CNTNAP5: variants seen among roughly 807,000 people sequenced by gnomAD.
The protein encoded by CNTNAP5 is contactin-associated protein-like 5.
CNTNAP5 carries 72 observed loss-of-function variants against 150.2 expected under a neutral mutation model. The observed-to-expected ratio is 0.48, with a 90% CI of 0.40 to 0.58. The LOEUF (loss-of-function observed/expected upper bound fraction) is 0.58, where lower values mean the gene tolerates loss of function less well. Ranked by LOEUF, CNTNAP5 falls within the 20% of genes least tolerant of loss-of-function variation. The pLI, the probability that CNTNAP5 is intolerant of heterozygous loss-of-function variation, is 0.00. For synonymous variants in CNTNAP5, 672 were observed against 619.8 expected (o/e 1.08, Z -1.25); for missense variants, 1,636 against 1,626.2 (o/e 1.01, Z -0.10).
chr2:124,442,362 G>A (rs1461513267), intron 5 of CNTNAP5, among the ~76,000 whole-genome samples: 1 of 152,146 alleles, frequency 6.6e-6, no homozygotes, highest in African/African-American at 2.4e-5. Context: ...CATGTACTTA[G>A]AGAACCTTGA....
intron 1 of CNTNAP5, among the ~76,000 whole-genome samples, chr2:124,196,251 T>C (rs1685581941): frequency 6.6e-6 from 1 of 152,138 alleles, no homozygotes; most frequent in Non-Finnish European, 1.5e-5. Flanking sequence ...ATAAGCATAC[T>C]ACAGTGGTTA....
At chr2:124,230,127 C>T (rs1301773567) in intron 2 of CNTNAP5, among the ~76,000 whole-genome samples, 1 of 152,102 alleles carries the variant, frequency 6.6e-6, no homozygotes, top group Non-Finnish European at 1.5e-5. Flanking sequence ...ATCCTTACCT[C>T]CCGCTTTGGC....
At chr2:124,145,690 T>A (rs1684222501) in intron 1 of CNTNAP5, among the ~76,000 whole-genome samples, 1 of 132,042 alleles carries the variant, frequency 7.6e-6, no homozygotes, top group Non-Finnish European at 1.6e-5. Context: ...ATATACCTAA[T>A]GCTAGATCAC....
intron 2 of CNTNAP5, among the ~76,000 whole-genome samples, chr2:124,235,968 T>C (rs918039664): frequency 7.6e-4 from 115 of 151,562 alleles, no homozygotes; most frequent in Non-Finnish European, 1.5e-3. Context: ...TATTTATTTA[T>C]TTATTTATTT....
intron 19 of CNTNAP5, among the ~76,000 whole-genome samples, chr2:124,856,592 A>T (rs923848582): frequency 6.6e-6 from 1 of 152,076 alleles, no homozygotes; most frequent in African/African-American, 2.4e-5. Context: ...ATCATGAGTG[A>T]TGTTGAGCAT....
intron 4 of CNTNAP5, among the ~76,000 whole-genome samples, chr2:124,424,568 C>A (rs1169482792): frequency 1.3e-5 from 2 of 152,194 alleles, no homozygotes; most frequent in African/African-American, 2.4e-5. Context: ...ACTGAAAAAT[C>A]TCTTCTATGA....
intron 1 of CNTNAP5, among the ~76,000 whole-genome samples, chr2:124,080,445 G>C (rs1682534090): frequency 6.6e-6 from 1 of 152,202 alleles, no homozygotes; most frequent in Non-Finnish European, 1.5e-5. Context: ...GGCTCAGAAA[G>C]AACACTGTAA....
rs79371505 is a variant in CNTNAP5 at position 124,270,921 on chromosome 2, A to G, written c.381+28528A>G. Among the ~76,000 whole-genome samples the G allele has an allele frequency of 9.0e-3, 1,364 of 152,252 alleles. 21 individuals are homozygous for G. Among genetic ancestry groups the G allele is most frequent in the African/African-American group, 0.031 (1,275 of 41,530 alleles). Reference sequence around the variant, plus strand: ...TACGTGCCCCCATGTTGGGTTCCTAAGTTATGGTCTTCAATCCCATCAAGC... The same window carrying G: ...TACGTGCCCCCATGTTGGGTTCCTAGGTTATGGTCTTCAATCCCATCAAGC... On this transcript the variant is annotated intron_variant, in intron 3 of 23. Coordinates refer to ENST00000682447, the MANE Select transcript of CNTNAP5 (RefSeq NM_001367498.1).
intron 19 of CNTNAP5, among the ~76,000 whole-genome samples, chr2:124,808,334 G>A (rs965132540): frequency 4.6e-5 from 7 of 152,086 alleles, no homozygotes; most frequent in Admixed American, 2.0e-4. Flanking sequence ...GGCCAGGCAC[G>A]GTGGCTCATG....
At chr2:124,233,471 A>G (rs1686673055) in intron 2 of CNTNAP5, among the ~76,000 whole-genome samples, 1 of 152,144 alleles carries the variant, frequency 6.6e-6, no homozygotes. Context: ...CTCTTCAAGG[A>G]TCCAAGACCC....
At chr2:124,564,278 G>A (rs1695960284) in intron 11 of CNTNAP5, among the ~76,000 whole-genome samples, 2 of 152,272 alleles carry the variant, frequency 1.3e-5, no homozygotes, top group South Asian at 4.1e-4. Flanking sequence ...ATAGGCTAGG[G>A]TGTACACAAG....
At chr2:124,614,983 C>CA (rs70996082) in intron 12 of CNTNAP5, among the ~76,000 whole-genome samples, 8 of 151,876 alleles carry the variant, frequency 5.3e-5, no homozygotes, top group African/African-American at 1.9e-4. Flanking sequence ...AGCATTATAT[C>CA]AAAAAAAAAA....
intron 22 of CNTNAP5, among the ~76,000 whole-genome samples, chr2:124,908,157 G>C (rs955749749): frequency 1.3e-5 from 2 of 152,068 alleles, no homozygotes; most frequent in Admixed American, 1.3e-4. Context: ...CAGATCACAA[G>C]GTGAGGAGTT....
intron 13 of CNTNAP5, among the ~76,000 whole-genome samples, chr2:124,703,508 A>G (rs62171305): frequency 0.14 from 21,422 of 152,174 alleles, 1,711 homozygotes; most frequent in Middle Eastern, 0.19. Flanking sequence ...ATAAAAATCT[A>G]GGCAAAGTTT....
At position 124,327,983 on chromosome 2, in the gene CNTNAP5, G is replaced by A. The variant is rs547596318; in HGVS notation, c.381+85590G>A. 3.3e-5 allele frequency among the ~76,000 whole-genome samples: 5 copies of A among 152,066 alleles called. No individual in the cohort carries two copies. In the South Asian group the frequency reaches 6.2e-4, roughly 19 times the overall value. On this transcript the variant is annotated intron_variant, in intron 3 of 23. Transcript: ENST00000682447. Reference sequence around the variant, plus strand: ...GTGAAAATTAAATGAGTATTTTTACGTTACAAAAGAAATAGAGCAGGGATT... The same window carrying A: ...GTGAAAATTAAATGAGTATTTTTACATTACAAAAGAAATAGAGCAGGGATT...
chr2:124,056,405 A>G (rs1681846921), intron 1 of CNTNAP5, among the ~76,000 whole-genome samples: 2 of 152,190 alleles, frequency 1.3e-5, no homozygotes, highest in South Asian at 2.1e-4. Context: ...CGAGCAGATC[A>G]CGAGGTCAGG....
At chr2:124,788,932 C>T (rs1204738479) in intron 17 of CNTNAP5, among the ~76,000 whole-genome samples, 2 of 152,156 alleles carry the variant, frequency 1.3e-5, no homozygotes, top group Non-Finnish European at 2.9e-5. Flanking sequence ...CATGCCTGGC[C>T]TATTGTATGA....
chr2:124,892,504 G>A lies in CNTNAP5; in HGVS notation c.3437-10378G>A, dbSNP rs183079935. Among the ~76,000 whole-genome samples, 293 of 152,216 alleles carry A rather than the reference G, an allele frequency of 1.9e-3. 3 individuals are homozygous for A. Among genetic ancestry groups the A allele is most frequent in the Admixed American group, 0.016 (242 of 15,282 alleles). ...AAAATTCAAGAGACAAAACAAGAAA[G>A]TATAACATGAGTTCTGAAGCAAGAG... On this transcript the variant is annotated intron_variant, in intron 21 of 23. Coordinates refer to ENST00000682447, the MANE Select transcript of CNTNAP5 (RefSeq NM_001367498.1).
chr2:124,906,722 CA>C (rs1443276779), intron 22 of CNTNAP5, among the ~76,000 whole-genome samples: 2 of 152,074 alleles, frequency 1.3e-5, no homozygotes, highest in Non-Finnish European at 2.9e-5. Context: ...AATTTTTTAA[CA>C]AATTTGGTAA....
Sources: gnomAD v4.1 joint callset for allele counts (sites outside exome capture counted in the v4.1 genomes callset) on GRCh38, gnomAD v4.1.1 for gene constraint, MANE v1.5 for transcripts, NCBI Gene and HGNC (gene_info 2026-07-23, HGNC 2026-07-21) for gene names.